PTPRD: variants seen among roughly 807,000 people sequenced by gnomAD.
PTPRD encodes the protein protein tyrosine phosphatase receptor type D, also known as receptor-type tyrosine-protein phosphatase delta.
Under a neutral mutation model 214.5 loss-of-function variants are expected in PTPRD, and 34 were observed. The observed-to-expected ratio is 0.16, with a 90% CI of 0.12 to 0.21. The LOEUF (loss-of-function observed/expected upper bound fraction) is 0.21, where lower values mean the gene tolerates loss of function less well. Ranked by LOEUF, PTPRD falls within the 10% of genes least tolerant of loss-of-function variation. The pLI is 1.00. For synonymous variants in PTPRD, 1,128 were observed against 845.7 expected, an observed-to-expected ratio of 1.33 and a Z score of -5.79; for missense variants, 2,545 against 2,398.7, an observed-to-expected ratio of 1.06 and a Z score of -1.27.
intron 4 of PTPRD, among the ~76,000 whole-genome samples, chr9:10,009,078 T>C (rs2096545657): frequency 6.6e-6 from 1 of 152,008 alleles, no homozygotes; most frequent in South Asian, 2.1e-4. Context: ...AAAGTTACTT[T>C]GAAAAAATCA....
At chr9:9,634,150 A>T (rs1370183960) in intron 7 of PTPRD, among the ~76,000 whole-genome samples, 1 of 152,126 alleles carries the variant, frequency 6.6e-6, no homozygotes, top group African/African-American at 2.4e-5. Flanking sequence ...ACATCATCAT[A>T]AAGGGATGAT....
intron 5 of PTPRD, among the ~76,000 whole-genome samples, chr9:9,799,868 T>C (rs1326956063): frequency 1.3e-5 from 2 of 151,782 alleles, no homozygotes; most frequent in African/African-American, 4.9e-5. Context: ...AGCTTTCTTT[T>C]TGAACTCTGA....
chr9:10,092,714 T>C (rs1440148777), intron 3 of PTPRD, among the ~76,000 whole-genome samples: 2 of 151,572 alleles, frequency 1.3e-5, no homozygotes. Flanking sequence ...ACTATAAAGA[T>C]ATAGTAACCA....
chr9:9,537,404 C>T (rs1326667226), intron 8 of PTPRD, among the ~76,000 whole-genome samples: 2 of 151,916 alleles, frequency 1.3e-5, no homozygotes, highest in Non-Finnish European at 2.9e-5. Flanking sequence ...GTGACATCAT[C>T]ATACTTTTCT....
intron 14 of PTPRD, among the ~76,000 whole-genome samples, chr9:8,577,284 C>T (rs528624823): frequency 2.6e-5 from 4 of 152,130 alleles, no homozygotes; most frequent in East Asian, 3.9e-4. Context: ...GATGGAGTTT[C>T]GCTCTTGTTG....
At chr9:10,036,930 G>A (rs1487244515) in intron 3 of PTPRD, among the ~76,000 whole-genome samples, 1 of 151,222 alleles carries the variant, frequency 6.6e-6, no homozygotes, top group African/African-American at 2.4e-5. Context: ...TGTTGCTCAA[G>A]GTGAGTGCAG....
At chr9:10,379,484 G>A (rs923475087) in intron 2 of PTPRD, among the ~76,000 whole-genome samples, 1 of 151,680 alleles carries the variant, frequency 6.6e-6, no homozygotes, top group Non-Finnish European at 1.5e-5. Flanking sequence ...AATTCCTGAG[G>A]TTCATTTAGG....
chr9:9,220,765 T>A (rs1207316280), intron 9 of PTPRD, among the ~76,000 whole-genome samples: 1 of 152,116 alleles, frequency 6.6e-6, no homozygotes, highest in Non-Finnish European at 1.5e-5. Flanking sequence ...GGCAAACCTC[T>A]ATTTCACAAA....
At chr9:9,391,590 C>T (rs1014394066) in intron 9 of PTPRD, among the ~76,000 whole-genome samples, 5 of 152,148 alleles carry the variant, frequency 3.3e-5, no homozygotes, top group Non-Finnish European at 5.9e-5. Context: ...AATCTGAATT[C>T]TGTACATGTG....
chr9:10,141,634 C>A (rs1187763026), intron 3 of PTPRD, among the ~76,000 whole-genome samples: 1 of 152,008 alleles, frequency 6.6e-6, no homozygotes, highest in Non-Finnish European at 1.5e-5. Context: ...ATTCCATGCT[C>A]ATGGGTAGGA....
chr9:8,815,803 G>A (rs974029319), intron 11 of PTPRD, among the ~76,000 whole-genome samples: 3 of 152,110 alleles, frequency 2.0e-5, no homozygotes, highest in African/African-American at 7.2e-5. Flanking sequence ...CCTAAATCAA[G>A]GGGTGAAAAT....
chr9:10,106,702 C>G (rs1312972229), intron 3 of PTPRD, among the ~76,000 whole-genome samples: 1 of 151,682 alleles, frequency 6.6e-6, no homozygotes, highest in African/African-American at 2.4e-5. Context: ...AAAAATTGAC[C>G]ATTTGAACTA....
intron 9 of PTPRD, among the ~76,000 whole-genome samples, chr9:9,293,428 T>C (rs2134221834): frequency 6.7e-6 from 1 of 150,198 alleles, no homozygotes; most frequent in East Asian, 2.0e-4. Flanking sequence ...TGTCCTTAAA[T>C]TTTTACACTA....
At chr9:10,572,752 T>C (rs1469820474) in intron 2 of PTPRD, among the ~76,000 whole-genome samples, 1 of 152,176 alleles carries the variant, frequency 6.6e-6, no homozygotes, top group Non-Finnish European at 1.5e-5. Context: ...ACTCCAGACA[T>C]GAACATGCTA....
At chr9:8,344,361 T>A (rs546975388) in intron 39 of PTPRD, among the ~76,000 whole-genome samples, 6 of 152,192 alleles carry the variant, frequency 3.9e-5, no homozygotes, top group African/African-American at 1.4e-4. Context: ...GATGCATGGT[T>A]CTATATTCTG....
intron 3 of PTPRD, among the ~76,000 whole-genome samples, chr9:10,194,567 T>C (rs180752419): frequency 3.8e-4 from 58 of 152,152 alleles, no homozygotes; most frequent in Non-Finnish European, 1.5e-5. Context: ...GTTCAGTCTG[T>C]TAACACATGA....
intron 7 of PTPRD, among the ~76,000 whole-genome samples, chr9:9,668,902 G>A (rs1356059351): frequency 1.3e-5 from 2 of 152,036 alleles, no homozygotes; most frequent in Non-Finnish European, 2.9e-5. Flanking sequence ...GACCAATCCT[G>A]AACTTTAGTG....
Position 9,082,232 on chromosome 9 carries a change from A to T in PTPRD, c.-142-63497T>A, listed in dbSNP as rs185148436. 3.3e-3 allele frequency among the ~76,000 whole-genome samples: 498 copies of T among 152,302 alleles called. 3 individuals carry two copies. The highest frequency in any genetic ancestry group is 8.3e-3 in the South Asian group (40 of 4,828). On this transcript the variant is annotated intron_variant, in intron 10 of 45. Coordinates refer to ENST00000381196, the MANE Select transcript of PTPRD (RefSeq NM_002839.4). ...AATAAAATACTGGCAAACCGAATCC[A>T]GCAGCACATCAAAAAGCTTATCCAC...
At position 9,500,382 on chromosome 9, in the gene PTPRD, C is replaced by T. The variant is rs545985210; in HGVS notation, c.-237+74350G>A. 2.0e-5 allele frequency among the ~76,000 whole-genome samples: 3 copies of T among 152,182 alleles called. 1 individual carries two copies. The highest frequency in any genetic ancestry group is 4.1e-4 in the South Asian group (2 of 4,824). ...GGATAACAAAATGAATTAGGTTCTA[C>T]ATTTCCTTGGATTTCTTCCCAGCAG... On this transcript the variant is annotated intron_variant, in intron 8 of 45. Coordinates refer to ENST00000381196, the MANE Select transcript of PTPRD (RefSeq NM_002839.4).
Sources: allele counts gnomAD v4.1 joint callset (sites outside exome capture counted in the v4.1 genomes callset), GRCh38; gene constraint gnomAD v4.1.1; transcripts MANE v1.5; gene names NCBI Gene and HGNC (gene_info 2026-07-23, HGNC 2026-07-21).